CDKN3: variants seen among roughly 807,000 people sequenced by gnomAD.
The protein encoded by CDKN3 is cyclin dependent kinase inhibitor 3.
CDKN3 carries 19 observed loss-of-function variants against 36.1 expected under a neutral mutation model. The observed-to-expected ratio is 0.53, with a 90% CI of 0.37 to 0.77. CDKN3 has a LOEUF of 0.77. Ranked by LOEUF, CDKN3 falls within the 30% of genes least tolerant of loss-of-function variation. CDKN3 has a pLI of 0.00. For synonymous variants in CDKN3, 71 were observed against 85.3 expected (o/e 0.83, Z 0.92); for missense variants, 188 against 248.6 (o/e 0.76, Z 1.64).
chr14:54,413,854 A>G (rs2030441375), intron 5 of CDKN3: 1 of 1,364,622 alleles, frequency 7.3e-7, no homozygotes, highest in Admixed American at 3.3e-5. Flanking sequence ...TATTGTAACA[A>G]AGTACCACAA....
intron 6 of CDKN3, 140 bp from the exon 7 acceptor site, chr14:54,417,708 A>G (rs1393976765): frequency 2.0e-6 from 1 of 512,184 alleles, no homozygotes; most frequent in Non-Finnish European, 3.5e-6. Context: ...AAAAACACAC[A>G]CTAAAAGTCT....
intron 1 of CDKN3, among the ~76,000 whole-genome samples, chr14:54,398,260 C>T (rs1228046420): frequency 6.6e-6 from 1 of 152,252 alleles, no homozygotes; most frequent in Non-Finnish European, 1.5e-5. Context: ...AATTGCTAAT[C>T]CCTATGTTGC....
intron 1 of CDKN3, among the ~76,000 whole-genome samples, chr14:54,399,457 A>C (rs952825432): frequency 3.3e-5 from 5 of 152,170 alleles, no homozygotes; most frequent in Non-Finnish European, 5.9e-5. Context: ...CTATGCACAC[A>C]TCTGTCTCTC....
At chr14:54,409,284 G>A (rs1252595915) in intron 4 of CDKN3, among the ~76,000 whole-genome samples, 2 of 151,964 alleles carry the variant, frequency 1.3e-5, no homozygotes, top group East Asian at 1.9e-4. Flanking sequence ...TACCATTATA[G>A]CCACAAGTCT....
intron 3 of CDKN3, among the ~76,000 whole-genome samples, chr14:54,402,400 GT>G (rs1227628785): frequency 1.3e-5 from 2 of 151,414 alleles, no homozygotes; most frequent in South Asian, 4.2e-4. Context: ...GGGGATGTTT[GT>G]TTTTTTCTTG....
In CDKN3 at chr14:54,400,582, T is replaced by C. The variant is rs560356120; in HGVS notation, c.92+606T>C. ...ATACCAGATTCTTTACAATGAGCAA[T>C]CAAATGCTTTCTCTCATCACTGCAA... On this transcript the variant is annotated intron_variant, in intron 2 of 7. Transcript: ENST00000335183. 3.3e-5 allele frequency among the ~76,000 whole-genome samples: 5 copies of C among 152,308 alleles called. No individual in the cohort carries two copies. The East Asian group carries it at 9.6e-4, about 29-fold the overall frequency.
chr14:54,401,726 A>T (rs943644166), intron 3 of CDKN3, 147 bp downstream of exon 3: 5 of 584,850 alleles, frequency 8.5e-6, no homozygotes, highest in Non-Finnish European at 1.2e-5. Context: ...TGCACCCATC[A>T]CCAGAGCAGT....
chr14:54,402,309 C>CGTGTGTGCGT (rs1555361563), intron 3 of CDKN3, among the ~76,000 whole-genome samples: 2 of 147,728 alleles, frequency 1.4e-5, no homozygotes, highest in Admixed American at 6.8e-5. Flanking sequence ...CATGTGTGTG[C>CGTGTGTGCGT]GTGTGTGTGT....
chr14:54,409,086 T>C (rs1566707238), intron 4 of CDKN3, among the ~76,000 whole-genome samples: 1 of 152,136 alleles, frequency 6.6e-6, no homozygotes, highest in Non-Finnish European at 1.5e-5. Flanking sequence ...AATAGGAAAC[T>C]GACATATTGC....
chr14:54,401,653 G>A (rs1289710546), intron 3 of CDKN3, 74 bp downstream of exon 3: 1 of 1,063,072 alleles, frequency 9.4e-7, no homozygotes, highest in Non-Finnish European at 1.4e-6. Context: ...AGTAGCTTTT[G>A]GGGGGACAGG....
At chr14:54,415,831 G>A (rs2030518496) in intron 5 of CDKN3, 68 bp from the exon 6 acceptor site, 2 of 1,106,436 alleles carry the variant, frequency 1.8e-6, no homozygotes, top group African/African-American at 1.5e-5. Context: ...GGCAGAAAGA[G>A]CAAGTCTTTA....
chr14:54,411,464 G>A lies in CDKN3; in HGVS notation c.194-20G>A. 1 of 1,575,270 alleles carries A rather than the reference G, an allele frequency of 6.3e-7. No individual in the cohort carries two copies. The highest frequency in any genetic ancestry group is 8.7e-7 in the Non-Finnish European group (1 of 1,147,128). On this transcript the variant is annotated intron_variant, in intron 4 of 7. Coordinates refer to ENST00000335183, the MANE Select transcript of CDKN3 (RefSeq NM_005192.4). ...ATGTTTTCTATGTGTGTGTGTCTGT[G>A]TATCCTGGTCTATTGGCAGAAGAAC...
intron 7 of CDKN3, chr14:54,418,372 A>T: frequency 1.5e-6 from 1 of 671,050 alleles, no homozygotes; most frequent in Non-Finnish European, 2.7e-6. Flanking sequence ...TCACCAAAAC[A>T]TTTAATAAAG....
At chr14:54,407,692 TC>T (rs1272211812) in intron 3 of CDKN3, among the ~76,000 whole-genome samples, 1 of 152,042 alleles carries the variant, frequency 6.6e-6, no homozygotes, top group African/African-American at 2.4e-5. Flanking sequence ...TGGATGCCCC[TC>T]CCCCCACCAA....
intron 7 of CDKN3, 92 bp from the exon 8 acceptor site, chr14:54,419,900 A>G (rs538347060): frequency 2.2e-5 from 15 of 688,958 alleles, no homozygotes; most frequent in Non-Finnish European, 3.8e-5. Context: ...CTTAGCAAGT[A>G]TTTTTTTTTA....
At chr14:54,407,455 T>C (rs2030199634) in intron 3 of CDKN3, among the ~76,000 whole-genome samples, 1 of 152,204 alleles carries the variant, frequency 6.6e-6, no homozygotes, top group Non-Finnish European at 1.5e-5. Flanking sequence ...AGCCATCCCT[T>C]CCGCCAGGTG....
intron 5 of CDKN3, chr14:54,413,908 T>C: frequency 1.8e-6 from 2 of 1,108,796 alleles, no homozygotes; most frequent in Non-Finnish European, 2.4e-6. Flanking sequence ...TTCCCATTTC[T>C]AGAGGATGTA....
In CDKN3 at chr14:54,419,821, G is replaced by A. The variant is rs2030668576; in HGVS notation, c.553-171G>A. 3.9e-5 allele frequency among the ~76,000 whole-genome samples: 6 copies of A among 152,226 alleles called. No homozygotes were observed. The South Asian group carries it at 6.2e-4, about 16-fold the overall frequency. ...AGAACAATAGTTTTTCACACTATAT[G>A]GCTTTACTAAAAGATAAAACTTCCC... On this transcript the variant is annotated intron_variant, in intron 7 of 7. Transcript: ENST00000335183.
intron 4 of CDKN3, among the ~76,000 whole-genome samples, chr14:54,409,837 A>G (rs2030289341): frequency 6.7e-6 from 1 of 150,036 alleles, no homozygotes; most frequent in African/African-American, 2.4e-5. Context: ...GAGTGCAATG[A>G]GCTGAGATTG....
Sources: allele counts gnomAD v4.1 joint callset (sites outside exome capture counted in the v4.1 genomes callset), GRCh38; gene constraint gnomAD v4.1.1; transcripts MANE v1.5; gene names NCBI Gene and HGNC (gene_info 2026-07-23, HGNC 2026-07-21).